Variants in LRBA observed in about 807,000 individuals in gnomAD.
The protein encoded by LRBA is lipopolysaccharide-responsive and beige-like anchor protein.
In LRBA, 176 loss-of-function variants were observed where a neutral mutation model predicts 330.0. The observed-to-expected ratio is 0.53, with a 90% CI of 0.47 to 0.60. LRBA has a LOEUF of 0.60. LRBA is among the 20% of genes least tolerant of loss of function. The probability of loss-of-function intolerance (pLI) is 0.00; values close to 1 mark genes in which losing one functional copy is unlikely to be tolerated. For synonymous variants in LRBA, 1,230 were observed against 1,193.0 expected, an observed-to-expected ratio of 1.03 and a Z score of -0.64; for missense variants, 3,259 against 3,444.8, an observed-to-expected ratio of 0.95 and a Z score of 1.35.
At position 150,400,800 on chromosome 4, in the gene LRBA, C is replaced by T. The variant is rs548203315; in HGVS notation, c.7194+14638G>A. Among the ~76,000 whole-genome samples, 5 of 152,226 alleles carry T rather than the reference C, an allele frequency of 3.3e-5. 1 individual carries two copies. The South Asian group carries it at 8.3e-4, about 25-fold the overall frequency. On this transcript the variant is annotated intron_variant, in intron 47 of 56. Coordinates refer to ENST00000651943, the MANE Select transcript of LRBA (RefSeq NM_001364905.1). ...GACTGTAGTAGGCTATGATCAGCCACTGCACTCCAGCCTGGTGACAATGAG... is the reference window on the plus strand; with the variant it reads ...GACTGTAGTAGGCTATGATCAGCCATTGCACTCCAGCCTGGTGACAATGAG...
intron 40 of LRBA, among the ~76,000 whole-genome samples, chr4:150,544,309 G>T (rs985270476): frequency 6.6e-6 from 1 of 151,936 alleles, no homozygotes; most frequent in Admixed American, 6.6e-5. Flanking sequence ...TGTATTTTTA[G>T]TAGTGACGGA....
rs773780828 is a variant in LRBA, at chr4:150,435,651, G to A, written c.6979C>T (p.Arg2327Ter). The A allele has an allele frequency of 1.2e-6, 2 of 1,612,142 alleles. No homozygotes were observed. The highest frequency in any genetic ancestry group is 1.7e-6 in the Non-Finnish European group (2 of 1,178,924). Residue 2327 changes from arginine to a stop codon, truncating the protein, a stop_gained, in exon 46 of 57, where the codon CGA becomes TGA. Transcript: ENST00000651943. LOFTEE classifies it high-confidence loss of function. ...LQGGKFDHAD[R>*]TFSSISRAWR... ...GCTCTGGAAATTGATGAAAAAGTTC[G>A]ATCTGCATGATCAAATTTGCCTCCT...
intron 46 of LRBA, among the ~76,000 whole-genome samples, chr4:150,417,114 T>C (rs893730508): frequency 1.3e-5 from 2 of 152,130 alleles, no homozygotes; most frequent in African/African-American, 2.4e-5. Flanking sequence ...TTTTAACTTA[T>C]ATACAAAGTG....
chr4:150,899,512 G>A (rs1730491160), intron 14 of LRBA, among the ~76,000 whole-genome samples: 13 of 152,048 alleles, frequency 8.5e-5, no homozygotes, highest in Admixed American at 8.5e-4. Flanking sequence ...GCCACTATAT[G>A]TCAAAAGTTT....
At position 150,655,574 on chromosome 4, in the gene LRBA, A is replaced by AAGAGCAAT. The variant is rs1780105064; in HGVS notation, c.5921+27976_5921+27977insATTGCTCT. On this transcript the variant is annotated intron_variant, in intron 37 of 56. Transcript: ENST00000651943. ...GCTTGTGTTTTCTCCAGCAATGTAC[A>AAGAGCAAT]CCTTTTTAGCAAGAGCAATCCACTC... Among the ~76,000 whole-genome samples, 4 of 152,308 alleles carry AAGAGCAAT rather than the reference A, an allele frequency of 2.6e-5. No individual in the cohort carries two copies. The South Asian group carries it at 8.3e-4, about 32-fold the overall frequency.
chr4:150,914,207 G>T lies in LRBA; in HGVS notation c.1149C>A (p.Gly383=). The T allele has an allele frequency of 6.2e-7, 1 of 1,605,702 alleles. No homozygotes were observed. Among genetic ancestry groups the T allele is most frequent in the Non-Finnish European group, 8.5e-7 (1 of 1,175,692 alleles). Residue 383 remains glycine (G), a synonymous_variant, in exon 9 of 57, where the codon GGC becomes GGA. Coordinates refer to ENST00000651943, the MANE Select transcript of LRBA (RefSeq NM_001364905.1). ...AAQIFAIYQL[G]LGYKGTFKFK... ...GTAAGCAAACTACCTTGTATCCCAG[G>T]CCCAACTGATAAATAGCAAATATCT...
intron 17 of LRBA, among the ~76,000 whole-genome samples, chr4:150,888,666 A>C (rs1293161072): frequency 2.0e-5 from 3 of 152,186 alleles, no homozygotes; most frequent in Admixed American, 2.0e-4. Context: ...TCAAAATATA[A>C]ATTTTGAGAA....
chr4:150,492,364 T>C (rs1174908636), intron 40 of LRBA, among the ~76,000 whole-genome samples: 1 of 152,136 alleles, frequency 6.6e-6, no homozygotes, highest in African/African-American at 2.4e-5. Flanking sequence ...CGTGCAGTTT[T>C]GAAATGGATG....
chr4:150,944,696 G>A (rs932127606), intron 2 of LRBA, among the ~76,000 whole-genome samples: 5 of 152,168 alleles, frequency 3.3e-5, no homozygotes. Context: ...AAAAAGCAGT[G>A]AAAAAAATTC....
At chr4:150,893,877 A>C (rs1278778187) in intron 16 of LRBA, among the ~76,000 whole-genome samples, 4 of 151,850 alleles carry the variant, frequency 2.6e-5, no homozygotes, top group Non-Finnish European at 5.9e-5. Flanking sequence ...GGGTTTCACC[A>C]TATTAGCCAG....
intron 56 of LRBA, among the ~76,000 whole-genome samples, chr4:150,276,450 C>A (rs1394264098): frequency 6.6e-6 from 1 of 152,030 alleles, no homozygotes; most frequent in Non-Finnish European, 1.5e-5. Flanking sequence ...AATTAAAGAG[C>A]TTCTGCACAG....
At chr4:150,739,123 CAG>C (rs997677651) in intron 35 of LRBA, among the ~76,000 whole-genome samples, 1 of 151,632 alleles carries the variant, frequency 6.6e-6, no homozygotes, top group African/African-American at 2.4e-5. Flanking sequence ...GAGAAGCAAA[CAG>C]AAATAAAATA....
chr4:150,423,334 G>T, intron 46 of LRBA: 1 of 713,980 alleles, frequency 1.4e-6, no homozygotes, highest in South Asian at 1.7e-5. Flanking sequence ...GAGCTCTGCG[G>T]ACTGTGAGGA....
intron 53 of LRBA, among the ~76,000 whole-genome samples, chr4:150,296,127 AC>A (rs2126820638): frequency 6.6e-6 from 1 of 152,354 alleles, no homozygotes; most frequent in African/African-American, 2.4e-5. Context: ...TATCCTAAAT[AC>A]CCAAATTATT....
intron 2 of LRBA, among the ~76,000 whole-genome samples, chr4:150,981,362 G>A (rs1363864386): frequency 6.8e-6 from 1 of 146,850 alleles, no homozygotes; most frequent in East Asian, 2.0e-4. Context: ...GTGGTGAGCT[G>A]AGATCACACC....
intron 46 of LRBA, among the ~76,000 whole-genome samples, chr4:150,435,143 C>T (rs1034257624): frequency 4.0e-5 from 6 of 151,552 alleles, no homozygotes; most frequent in Non-Finnish European, 7.4e-5. Flanking sequence ...TCAGGAGTTC[C>T]AGACCAGTCT....
chr4:150,592,879 C>A (rs980504763), intron 38 of LRBA, among the ~76,000 whole-genome samples: 2 of 152,120 alleles, frequency 1.3e-5, no homozygotes, highest in African/African-American at 4.8e-5. Context: ...GCAATCCTAC[C>A]ACCTCAGCCT....
intron 44 of LRBA, among the ~76,000 whole-genome samples, chr4:150,463,252 C>A (rs1198832942): frequency 6.6e-6 from 1 of 151,900 alleles, no homozygotes; most frequent in Non-Finnish European, 1.5e-5. Flanking sequence ...AGTTGTAAGG[C>A]GGTAGAATGT....
At chr4:150,653,733 T>G (rs1020338036) in intron 37 of LRBA, among the ~76,000 whole-genome samples, 3 of 152,330 alleles carry the variant, frequency 2.0e-5, no homozygotes, top group Non-Finnish European at 1.5e-5. Flanking sequence ...GCTTCTCGAT[T>G]TTTAATACAT....
Sources: allele counts gnomAD v4.1 joint callset (sites outside exome capture counted in the v4.1 genomes callset), GRCh38; gene constraint gnomAD v4.1.1; transcripts MANE v1.5; gene names NCBI Gene and HGNC (gene_info 2026-07-23, HGNC 2026-07-21).